PLAA: variants seen among roughly 807,000 people sequenced by gnomAD.
The protein encoded by PLAA is phospholipase A2 activating protein.
In PLAA, 48 loss-of-function variants were observed where a neutral mutation model predicts 84.1. The ratio of observed to expected loss-of-function variants is 0.57; its 90% CI spans 0.45 to 0.73. The LOEUF is 0.73. Among genes scored for constraint, PLAA ranks in the 30% least tolerant of loss-of-function variants. PLAA has a pLI of 0.00. For synonymous variants in PLAA, 392 were observed against 336.6 expected (o/e 1.16, Z -1.80); for missense variants, 903 against 954.7 (o/e 0.95, Z 0.71).
At chr9:26,916,684 G>A (rs577210710) in intron 10 of PLAA, 5 of 996,214 alleles carry the variant, frequency 5.0e-6, no homozygotes, top group Non-Finnish European at 6.0e-6. Context: ...GCTGTGTCTT[G>A]GTTGGTGGGT....
chr9:26,909,243 G>C (rs1824327253), intron 12 of PLAA, among the ~76,000 whole-genome samples: 1 of 151,886 alleles, frequency 6.6e-6, no homozygotes, highest in Non-Finnish European at 1.5e-5. Context: ...ACTAATCTCA[G>C]GTATTAACAG....
chr9:26,914,160 A>G (rs1197305330), intron 10 of PLAA, among the ~76,000 whole-genome samples: 1 of 152,204 alleles, frequency 6.6e-6, no homozygotes, highest in East Asian at 1.9e-4. Flanking sequence ...CATGCCTTAT[A>G]TATTATAATT....
intron 1 of PLAA, among the ~76,000 whole-genome samples, chr9:26,943,587 A>C (rs1825604285): frequency 6.6e-6 from 1 of 152,174 alleles, no homozygotes; most frequent in South Asian, 2.1e-4. Flanking sequence ...ACTTGGCTAC[A>C]TGGGAAAGCA....
At chr9:26,940,874 G>C (rs1351312360) in intron 1 of PLAA, among the ~76,000 whole-genome samples, 1 of 151,938 alleles carries the variant, frequency 6.6e-6, no homozygotes, top group African/African-American at 2.4e-5. Flanking sequence ...GTTTTTTAAT[G>C]CTTTTGAAAC....
intron 2 of PLAA, among the ~76,000 whole-genome samples, chr9:26,933,704 G>C (rs1185736070): frequency 6.6e-6 from 1 of 150,522 alleles, no homozygotes; most frequent in Non-Finnish European, 1.5e-5. Flanking sequence ...CAGGAGAATG[G>C]CGTGAGCCCG....
intron 2 of PLAA, among the ~76,000 whole-genome samples, chr9:26,932,871 A>G (rs1259521908): frequency 1.3e-5 from 2 of 152,220 alleles, no homozygotes; most frequent in South Asian, 4.1e-4. Flanking sequence ...ACAGTGGCTC[A>G]TGCCTATAAA....
chr9:26,913,938 C>G lies in PLAA; in HGVS notation c.1496G>C (p.Arg499Pro), dbSNP rs150012469. The change falls in exon 11 of 14, where the codon CGT (arginine) becomes CCT (proline). Residue 499 changes from arginine (R) to proline (P), a missense_variant. By Grantham distance (103) the Arg-to-Pro change is moderately radical. Transcript: ENST00000397292. ...CATACTTGCAGAACCTGGTACATAA[C>G]GACCAGCACCTACAATACAATAATA... ...PTADPFTGAG[R>P]YVPGSASMGT... is the part of the protein sequence containing the mutation. 1.2e-6 allele frequency: 2 copies of G among 1,609,664 alleles called. No individual in the cohort carries two copies. The highest frequency in any genetic ancestry group is 1.7e-6 in the Non-Finnish European group (2 of 1,176,220).
intron 4 of PLAA, among the ~76,000 whole-genome samples, chr9:26,926,927 G>A (rs927641883): frequency 2.6e-5 from 4 of 151,564 alleles, no homozygotes; most frequent in Non-Finnish European, 5.9e-5. Context: ...ATAACAAAGA[G>A]TAGCCCATAA....
intron 1 of PLAA, among the ~76,000 whole-genome samples, chr9:26,943,497 G>T (rs909709454): frequency 1.3e-5 from 2 of 152,128 alleles, no homozygotes; most frequent in African/African-American, 4.8e-5. Context: ...TTCAGTAAGA[G>T]GCAATTCAGT....
chr9:26,937,104 G>A (rs750024725), intron 1 of PLAA, among the ~76,000 whole-genome samples: 10 of 152,032 alleles, frequency 6.6e-5, no homozygotes, highest in South Asian at 2.1e-4. Flanking sequence ...TTGCGCCATC[G>A]CACTCCAGCC....
At position 26,917,179 on chromosome 9, in the gene PLAA, A is replaced by C; in HGVS notation, c.1418-14T>G. On this transcript the variant is annotated splice_polypyrimidine_tract_variant and intron_variant, in intron 9 of 13. Transcript: ENST00000397292. Reference sequence around the variant, plus strand: ...ACCGACCACCACCTGTGCATGCAAAATAAAGAAAAGGCAGAAGTGCACCAA... The same window carrying C: ...ACCGACCACCACCTGTGCATGCAAACTAAAGAAAAGGCAGAAGTGCACCAA... 1 of 1,612,640 alleles carries C rather than the reference A, an allele frequency of 6.2e-7. No individual in the cohort carries two copies. The highest frequency in any genetic ancestry group is 1.3e-5 in the African/African-American group (1 of 74,998).
Position 26,919,424 on chromosome 9 carries a change from G to C in PLAA, c.1303C>G (p.Gln435Glu), listed in dbSNP as rs189138242. The C allele has an allele frequency of 3.7e-6, 6 of 1,610,506 alleles. No individual in the cohort carries two copies. Among genetic ancestry groups the C allele is most frequent in the African/African-American group, 1.3e-5 (1 of 74,956 alleles). ...DPWLTAYNFL[Q>E]KNDLNPMFLD... The stretch of plus-strand genomic sequence containing the variant: ...AACATAGGATTCAAATCATTCTTCT[G>C]TAAGAAGTTGTATGCAGTTAACCAA... The change falls in exon 9 of 14, where the codon CAG (glutamine) becomes GAG (glutamate). Residue 435 changes from glutamine to glutamate, a missense_variant. Coordinates refer to ENST00000397292, the MANE Select transcript of PLAA (RefSeq NM_001031689.3).
intron 13 of PLAA, chr9:26,907,546 AAAAACAAAAC>A: frequency 3.3e-6 from 1 of 305,548 alleles, no homozygotes; most frequent in Non-Finnish European, 6.0e-6. Flanking sequence ...TTTCAAAAAC[AAAAACAAAAC>A]AAAACAAAAA....
intron 2 of PLAA, among the ~76,000 whole-genome samples, chr9:26,929,342 A>G (rs1825092407): frequency 1.3e-5 from 2 of 152,230 alleles, no homozygotes; most frequent in South Asian, 4.1e-4. Context: ...AAAATTTTAA[A>G]TTAGTCAGAC....
chr9:26,922,251 G>C (rs930589062), intron 7 of PLAA, among the ~76,000 whole-genome samples: 1 of 151,110 alleles, frequency 6.6e-6, no homozygotes, highest in African/African-American at 2.4e-5. Context: ...TCAAGGACAT[G>C]CTTAATGGCA....
At chr9:26,930,728 A>T (rs112071027) in intron 2 of PLAA, among the ~76,000 whole-genome samples, 189 of 152,020 alleles carry the variant, frequency 1.2e-3, no homozygotes, top group African/African-American at 4.3e-3. Context: ...GATTACATGC[A>T]TGCGCCACCA....
intron 9 of PLAA, among the ~76,000 whole-genome samples, chr9:26,917,764 T>C (rs1399246003): frequency 6.6e-6 from 1 of 151,990 alleles, no homozygotes; most frequent in Non-Finnish European, 1.5e-5. Flanking sequence ...GTGCCTATGT[T>C]TTGTTAGTAC....
chr9:26,920,323 C>G lies in PLAA; in HGVS notation c.1101G>C (p.Trp367Cys), dbSNP rs1486485360. The G allele has an allele frequency of 6.2e-7, 1 of 1,613,252 alleles. No individual in the cohort carries two copies. Among genetic ancestry groups the G allele is most frequent in the Non-Finnish European group, 8.5e-7 (1 of 1,179,360 alleles). The change falls in exon 8 of 14, where the codon TGG becomes TGC. Residue 367 changes from tryptophan to cysteine, a missense_variant. Physicochemically the swap from Trp to Cys is radical, Grantham distance 215. Coordinates refer to ENST00000397292, the MANE Select transcript of PLAA (RefSeq NM_001031689.3). ...RDGEKVEAYQ[W>C]SVSEGRWIKI... ...TTATCCACCTCCCTTCACTAACACTCCACTGATAGGCTTCGACTTTCTCCC... is the reference window on the plus strand; with the variant it reads ...TTATCCACCTCCCTTCACTAACACTGCACTGATAGGCTTCGACTTTCTCCC...
intron 6 of PLAA, among the ~76,000 whole-genome samples, chr9:26,924,680 TTC>T (rs923667697): frequency 3.2e-4 from 49 of 152,198 alleles, no homozygotes; most frequent in African/African-American, 9.6e-4. Flanking sequence ...ATCTCTCCTT[TTC>T]TGTCTCCCAG....
Sources: gnomAD v4.1 joint callset for allele counts (sites outside exome capture counted in the v4.1 genomes callset) on GRCh38, gnomAD v4.1.1 for gene constraint, MANE v1.5 for transcripts, NCBI Gene and HGNC (gene_info 2026-07-23, HGNC 2026-07-21) for gene names.